POLRMT: variants seen among roughly 807,000 people sequenced by gnomAD.
The protein encoded by POLRMT is RNA polymerase mitochondrial.
POLRMT carries 114 observed loss-of-function variants against 132.2 expected under a neutral mutation model. That is an observed-to-expected ratio of 0.86 (90% CI 0.74 to 1.01). The LOEUF (loss-of-function observed/expected upper bound fraction) is 1.01, where lower values mean the gene tolerates loss of function less well. Ranked by LOEUF, POLRMT falls within the 50% of genes least tolerant of loss-of-function variation. The probability of loss-of-function intolerance (pLI) is 0.00; values close to 1 mark genes in which losing one functional copy is unlikely to be tolerated. For synonymous variants in POLRMT, 1,020 were observed against 773.4 expected (o/e 1.32, Z -5.29); for missense variants, 2,003 against 1,729.1 (o/e 1.16, Z -2.81).
intron 2 of POLRMT, among the ~76,000 whole-genome samples, chr19:631,338 A>AGGGGGG (rs58594494): frequency 1.8e-5 from 2 of 113,356 alleles, no homozygotes; most frequent in African/African-American, 6.9e-5. Flanking sequence ...AAAAAAAAAA[A>AGGGGGG]GGGGGGGGGG....
chr19:633,398 C>A, intron 1 of POLRMT, 27 bp downstream of exon 1: 1 of 1,495,172 alleles, frequency 6.7e-7, no homozygotes. Flanking sequence ...GGCCCCCGGG[C>A]TGCCTGGCCG....
In POLRMT at chr19:623,516, T is replaced by A; in HGVS notation, c.1228A>T (p.Ser410Cys). The change falls in exon 6 of 21, where the codon AGC becomes TGC. Residue 410 changes from serine to cysteine, a missense_variant. Coordinates refer to ENST00000588649, the MANE Select transcript of POLRMT (RefSeq NM_005035.4). ...TCCACGGACACCACGCACACCCTGC[T>A]GGCCAGCTCCATGTGGAGCTGCTTC... is the stretch of plus-strand genomic sequence containing the variant. ...FEKQLHMELASRVCVVSVEKP... is the reference protein window; with the variant it reads ...FEKQLHMELACRVCVVSVEKP... 1 of 1,613,486 alleles carries A rather than the reference T, an allele frequency of 6.2e-7. No individual in the cohort carries two copies. Among genetic ancestry groups the A allele is most frequent in the Middle Eastern group, 1.7e-4 (1 of 5,898 alleles).
Position 625,465 on chromosome 19 carries a change from G to A in POLRMT, c.823-211C>T, listed in dbSNP as rs1984960299. ...GGCAGCCGCATGGCCCGCCAGGTGG[G>A]ACTGTGGGAGGTTCACGTTCCTCTG... On this transcript the variant is annotated intron_variant, in intron 3 of 20. Transcript: ENST00000588649. The A allele has an allele frequency of 5.3e-6, 3 of 568,414 alleles. No individual in the cohort carries two copies. The South Asian group carries it at 7.8e-5, about 15-fold the overall frequency. 35.2% of individuals were successfully genotyped at this position (568,414 alleles called of 1,614,324 possible).
At chr19:620,226 C>A (rs892637867) in intron 11 of POLRMT, 139 bp downstream of exon 11, 5 of 1,451,464 alleles carry the variant, frequency 3.4e-6, no homozygotes, top group Non-Finnish European at 4.6e-6. Flanking sequence ...CCGGGAGAGA[C>A]CAGGAGCCAT....
In POLRMT at chr19:619,507, G is replaced by A. The variant is rs56046644; in HGVS notation, c.3066+79C>T. 2.0e-5 allele frequency: 31 copies of A among 1,554,138 alleles called. No individual in the cohort carries two copies. The East Asian group carries it at 4.3e-4, about 21-fold the overall frequency. On this transcript the variant is annotated intron_variant, in intron 13 of 20. Transcript: ENST00000588649. The stretch of plus-strand genomic sequence containing the variant: ...GAGCAGCCAGGGCTCCTGCTGGGAG[G>A]CTGGGTCGGGGGCACACCCGTCTGA...
At chr19:632,353 C>A (rs1482837860) in intron 2 of POLRMT, among the ~76,000 whole-genome samples, 3 of 152,298 alleles carry the variant, frequency 2.0e-5, no homozygotes, top group East Asian at 3.9e-4. Flanking sequence ...CTCCCACCTC[C>A]CTCCCACACC....
intron 2 of POLRMT, among the ~76,000 whole-genome samples, chr19:631,338 A>AGGGG (rs58594494): frequency 8.8e-5 from 10 of 113,352 alleles, no homozygotes; most frequent in African/African-American, 3.1e-4. Context: ...AAAAAAAAAA[A>AGGGG]GGGGGGGGGG....
In POLRMT at chr19:629,923, G is replaced by T; in HGVS notation, c.439C>A (p.Pro147Thr). Residue 147 changes from proline (P) to threonine (T), a missense_variant, in exon 3 of 21, where the codon CCA becomes ACA. By Grantham distance (38) the Pro-to-Thr change is conservative. Transcript: ENST00000588649. ...GCCTTGAACTCCCCGCTCTGGAATG[G>T]CATCTGCAGCTTCGCCTTCAACCGC... ...MQRLKAKLQM[P>T]FQSGEFKALT... 2 of 1,613,664 alleles carry T rather than the reference G, an allele frequency of 1.2e-6. No individual in the cohort carries two copies. The highest frequency in any genetic ancestry group is 1.7e-6 in the Non-Finnish European group (2 of 1,180,008).
intron 5 of POLRMT, 104 bp downstream of exon 5, chr19:624,615 G>A (rs1405320739): frequency 1.2e-5 from 15 of 1,283,898 alleles, no homozygotes; most frequent in Admixed American, 2.4e-5. Flanking sequence ...CAGCCCAGGT[G>A]AGCCCTGGGC....
In POLRMT at chr19:618,909, G is replaced by T. The variant is rs535060098; in HGVS notation, c.3267+88C>A. On this transcript the variant is annotated intron_variant, in intron 15 of 20. Transcript: ENST00000588649. ...GCACACTGGGGCGGTGGTACACTGG[G>T]GTGGTGGTACGCTGGGGCACTGGTA... 7.2e-5 allele frequency: 98 copies of T among 1,353,742 alleles called. No individual in the cohort carries two copies. The South Asian group carries it at 1.2e-3, about 16-fold the overall frequency. 83.9% of individuals were successfully genotyped at this position (1,353,742 alleles called of 1,614,324 possible). A position where few individuals can be genotyped will look rare whatever the true frequency, so the allele number is the denominator to read the frequency against.
chr19:619,514 C>A lies in POLRMT; in HGVS notation c.3066+72G>T, dbSNP rs961518201. The A allele has an allele frequency of 1.4e-5, 22 of 1,572,918 alleles. No homozygotes were observed. The African/African-American group carries it at 2.3e-4, about 16-fold the overall frequency. On this transcript the variant is annotated intron_variant, in intron 13 of 20. Coordinates refer to ENST00000588649, the MANE Select transcript of POLRMT (RefSeq NM_005035.4). ...CAGGGCTCCTGCTGGGAGGCTGGGT[C>A]GGGGGCACACCCGTCTGAGTTTTAA...
intron 3 of POLRMT, among the ~76,000 whole-genome samples, chr19:626,810 G>A (rs1985049361): frequency 6.6e-6 from 1 of 150,948 alleles, no homozygotes; most frequent in Non-Finnish European, 1.5e-5. Context: ...CGGTAAGCCG[G>A]GATCTCACCA....
In POLRMT at chr19:624,821, A is replaced by G; in HGVS notation, c.1038T>C (p.Thr346=). 1 of 1,613,504 alleles carries G rather than the reference A, an allele frequency of 6.2e-7. No homozygotes were observed. Among genetic ancestry groups the G allele is most frequent in the South Asian group, 1.1e-5 (1 of 91,088 alleles). Residue 346 remains threonine (T), a synonymous_variant, in exon 5 of 21, where the codon ACT becomes ACC. Coordinates refer to ENST00000588649, the MANE Select transcript of POLRMT (RefSeq NM_005035.4). ...TCACCTTGTGCACGGCCTTCAGAAC[A>G]GTGGCCCGATCCTCCTCAGACAGCA... is the stretch of plus-strand genomic sequence containing the variant. ...AVLLSEEDRA[T]VLKAVHKVKP...
intron 5 of POLRMT, among the ~76,000 whole-genome samples, chr19:624,024 G>T (rs1319571854): frequency 6.6e-6 from 1 of 152,212 alleles, no homozygotes; most frequent in Non-Finnish European, 1.5e-5. Flanking sequence ...CCACATAAAA[G>T]CTTGTACACA....
intron 3 of POLRMT, 131 bp from the exon 4 acceptor site, chr19:625,385 C>T: frequency 8.0e-7 from 1 of 1,249,592 alleles, no homozygotes; most frequent in Non-Finnish European, 1.1e-6. Flanking sequence ...GAGTGGCCAG[C>T]TGGGCAGACC....
intron 6 of POLRMT, 147 bp downstream of exon 6, chr19:623,307 C>T (rs1001810116): frequency 7.3e-7 from 1 of 1,374,216 alleles, no homozygotes; most frequent in Non-Finnish European, 9.7e-7. Context: ...AATTCAACCG[C>T]ATACACGGAG....
chr19:622,612 C>T lies in POLRMT; in HGVS notation c.1596G>A (p.Lys532=), dbSNP rs1306460417. 7.5e-6 allele frequency: 12 copies of T among 1,607,076 alleles called. No individual in the cohort carries two copies. The highest frequency in any genetic ancestry group is 6.7e-5 in the African/African-American group (5 of 74,938). ...QVQALQNHYR[K]YLCLLASDAE... ...CGTCGGAGGCCAGCAAGCAGAGGTA[C>T]TTCCTGTAGTGGTTCTGCAGCGCCT... Residue 532 remains lysine, a synonymous_variant, in exon 8 of 21, where the codon AAG becomes AAA. Transcript: ENST00000588649.
At position 622,575 on chromosome 19, in the gene POLRMT, GCCT is replaced by G. The variant is rs1568169247; in HGVS notation, c.1626+4_1626+6del. On this transcript the variant is annotated splice_donor_5th_base_variant and intron_variant, in intron 8 of 20. Coordinates refer to ENST00000588649, the MANE Select transcript of POLRMT (RefSeq NM_005035.4). ...CCAGCCAGGAGGAGAGGGGGTGCGA[GCCT>G]CACCTCGGCGTCGGAGGCCAGCAAG... 2.5e-6 allele frequency: 4 copies of G among 1,595,136 alleles called. No homozygotes were observed. The Admixed American group carries it at 6.8e-5, about 27-fold the overall frequency.
At chr19:617,353 G>C (rs1984049391) in intron 20 of POLRMT, 30 bp from the exon 21 acceptor site, 8 of 1,612,634 alleles carry the variant, frequency 5.0e-6, no homozygotes, top group Non-Finnish European at 5.9e-6. Flanking sequence ...GACGGCGTGG[G>C]TGGCGGGAAA....
Sources: allele counts gnomAD v4.1 joint callset (sites outside exome capture counted in the v4.1 genomes callset), GRCh38; gene constraint gnomAD v4.1.1; transcripts MANE v1.5; gene names NCBI Gene and HGNC (gene_info 2026-07-23, HGNC 2026-07-21).